The following GYS1 variants were observed in gnomAD, a reference collection of about 807,000 sequenced individuals.
GYS1 encodes the protein glycogen [starch] synthase, muscle.
A neutral mutation model predicts 89.1 loss-of-function variants in GYS1; 60 were observed. The observed-to-expected ratio is 0.67, with a 90% CI of 0.55 to 0.84. The LOEUF (loss-of-function observed/expected upper bound fraction) is 0.84. Ranked by LOEUF, GYS1 falls within the 40% of genes least tolerant of loss-of-function variation. The probability of loss-of-function intolerance (pLI) is 0.00; values close to 1 mark genes in which losing one functional copy is unlikely to be tolerated. For synonymous variants in GYS1, 366 were observed against 401.7 expected, an observed-to-expected ratio of 0.91 and a Z score of 1.06; for missense variants, 888 against 1,003.1, an observed-to-expected ratio of 0.89 and a Z score of 1.55.
rs1168612970 is a variant in GYS1, at chr19:48,969,579, C to T, written c.1923G>A (p.Ser641=). ...GTGACAGCGAGGGCGACGGTGGCACCGAGGCTGGCCGTGGGTAGCGGTACC... is the reference window on the plus strand; with the variant it reads ...GTGACAGCGAGGGCGACGGTGGCACTGAGGCTGGCCGTGGGTAGCGGTACC... ...AQGYRYPRPA[S]VPPSPSLSRH... is the part of the protein sequence containing the mutation. Residue 641 remains serine (S), a synonymous_variant, in exon 16 of 16, where the codon TCG becomes TCA. Transcript: ENST00000323798. The T allele has an allele frequency of 6.5e-7, 1 of 1,538,158 alleles. No individual in the cohort carries two copies. Among genetic ancestry groups the T allele is most frequent in the African/African-American group, 1.4e-5 (1 of 73,094 alleles).
At position 48,968,470 on chromosome 19, in the gene GYS1, G is replaced by T. The variant is rs780324057; in HGVS notation, c.*818C>A. The T allele has an allele frequency of 1.3e-5, 6 of 454,460 alleles. No individual in the cohort carries two copies. Among genetic ancestry groups the T allele is most frequent in the Non-Finnish European group, 2.6e-5 (6 of 226,798 alleles). 28.2% of individuals were successfully genotyped at this position (454,460 alleles called of 1,614,324 possible). ...GTTGGGAATAAGCCAGGTTAGGGGT[G>T]GGGGAAGACAGCCAGCTCTGTCCTC... is the stretch of plus-strand genomic sequence containing the variant. On this transcript the variant is annotated 3_prime_UTR_variant, in exon 16 of 16. Coordinates refer to ENST00000323798, the MANE Select transcript of GYS1 (RefSeq NM_002103.5).
chr19:48,972,198 T>C (rs375741070), intron 12 of GYS1, among the ~76,000 whole-genome samples: 1,596 of 150,424 alleles, frequency 0.011, 32 homozygotes, highest in African/African-American at 0.036. Flanking sequence ...ATTAGCTGGG[T>C]GTGGTGGCAG....
chr19:48,984,908 A>G (rs2038818345), intron 5 of GYS1, among the ~76,000 whole-genome samples: 2 of 152,114 alleles, frequency 1.3e-5, no homozygotes, highest in Admixed American at 1.3e-4. Context: ...TAAAAATAAA[A>G]TAAAACAGAT....
chr19:48,974,121 A>T, intron 12 of GYS1, 92 bp downstream of exon 12: 4 of 1,372,156 alleles, frequency 2.9e-6, no homozygotes, highest in Non-Finnish European at 4.1e-6. Flanking sequence ...AAAGAAGGCA[A>T]CAGGCTCAGA....
intron 13 of GYS1, 52 bp from the exon 14 acceptor site, chr19:48,970,761 G>GA: frequency 3.8e-6 from 6 of 1,558,652 alleles, no homozygotes; most frequent in Non-Finnish European, 3.5e-6. Flanking sequence ...GATCTTCATG[G>GA]TCTCCAGGAC....
Position 48,991,229 on chromosome 19 carries a change from C to T in GYS1, c.300+73G>A. On this transcript the variant is annotated intron_variant, in intron 2 of 15. Transcript: ENST00000323798. The surrounding 1 kb of genome is among the most constrained non-coding windows in gnomAD (Gnocchi z 4.7). ...TGGCTGGGGCTGTCCACCCTGCACC[C>T]TCTCCGTCTGTGGCTCCCACCCCGA... 6.6e-7 allele frequency: 1 copy of T among 1,519,278 alleles called. No individual in the cohort carries two copies. The highest frequency in any genetic ancestry group is 1.1e-5 in the South Asian group (1 of 89,152). The allele number at this position is 1,519,278 out of a possible 1,614,324, so 94.1% of individuals were successfully genotyped here.
Position 48,969,796 on chromosome 19 carries a change from G to A in GYS1, c.1869C>T (p.Tyr623=), listed in dbSNP as rs2122454471. 1.2e-6 allele frequency: 2 copies of A among 1,613,932 alleles called. No individual in the cohort carries two copies. The highest frequency in any genetic ancestry group is 2.2e-5 in the East Asian group (1 of 44,884). Residue 623 remains tyrosine (Y), a synonymous_variant, in exon 15 of 16, where the codon TAC becomes TAT. Coordinates refer to ENST00000323798, the MANE Select transcript of GYS1 (RefSeq NM_002103.5). Reference sequence around the variant, plus strand: ...TCACCGCATCCGCCTCGTTGGGCTCGTAGGTGAAGTGCTCTGGAAAGGCCT... The same window carrying A: ...TCACCGCATCCGCCTCGTTGGGCTCATAGGTGAAGTGCTCTGGAAAGGCCT... ...LSKAFPEHFT[Y]EPNEADAAQG...
intron 11 of GYS1, 104 bp downstream of exon 11, chr19:48,974,516 G>T: frequency 9.7e-7 from 1 of 1,030,046 alleles, no homozygotes. Flanking sequence ...TCTAACCACA[G>T]CAATACCTTT....
rs199704030 is a variant in GYS1 at position 48,985,820 on chromosome 19, A to C, written c.678+30T>G. The C allele has an allele frequency of 6.8e-5, 110 of 1,609,586 alleles. No homozygotes were observed. The highest frequency in any genetic ancestry group is 9.0e-5 in the Non-Finnish European group (106 of 1,177,362). ...CTTTGGGTTTTCCTGGCATACTCGCAGTCCCCCATCTGCCACGGTCCCAGC... is the reference window on the plus strand; with the variant it reads ...CTTTGGGTTTTCCTGGCATACTCGCCGTCCCCCATCTGCCACGGTCCCAGC... On this transcript the variant is annotated intron_variant, in intron 4 of 15. Coordinates refer to ENST00000323798, the MANE Select transcript of GYS1 (RefSeq NM_002103.5).
intron 2 of GYS1, among the ~76,000 whole-genome samples, chr19:48,990,264 A>C (rs1462118868): frequency 6.6e-6 from 1 of 150,508 alleles, no homozygotes; most frequent in East Asian, 1.9e-4. Context: ...CTCCTTGGAC[A>C]ACAGCGTGTC....
chr19:48,981,454 C>G, intron 8 of GYS1, 76 bp downstream of exon 8: 1 of 838,082 alleles, frequency 1.2e-6, no homozygotes, highest in Non-Finnish European at 2.1e-6. Flanking sequence ...AAAACTGAGA[C>G]TCTAGGAGAA....
chr19:48,971,334 G>C (rs766609750), intron 12 of GYS1, among the ~76,000 whole-genome samples: 4 of 152,102 alleles, frequency 2.6e-5, no homozygotes, highest in Non-Finnish European at 5.9e-5. Context: ...CTGTAGGATC[G>C]GGCCAAGGTC....
rs183509522 is a variant in GYS1, at chr19:48,991,089, G to T, written c.300+213C>A. Among the ~76,000 whole-genome samples, 1 of 152,298 alleles carries T rather than the reference G, an allele frequency of 6.6e-6. No individual in the cohort carries two copies. Among genetic ancestry groups the T allele is most frequent in the Admixed American group, 6.5e-5 (1 of 15,296 alleles). The stretch of plus-strand genomic sequence containing the variant: ...CTCCGTCTCAGTCTGTCTCATACTT[G>T]CCATCTGTCTGTCCATTCGCCCATG... On this transcript the variant is annotated intron_variant, in intron 2 of 15. Coordinates refer to ENST00000323798, the MANE Select transcript of GYS1 (RefSeq NM_002103.5). The surrounding 1 kb of genome is among the most constrained non-coding windows in gnomAD (Gnocchi z 4.7).
chr19:48,977,809 G>C (rs1239672958), intron 10 of GYS1, 115 bp downstream of exon 10: 1 of 796,358 alleles, frequency 1.3e-6, no homozygotes, highest in African/African-American at 1.7e-5. Flanking sequence ...CCTTCATAAA[G>C]GGCTGCAGGA....
At position 48,968,390 on chromosome 19, in the gene GYS1, T is replaced by C. The variant is rs544383758; in HGVS notation, c.*898A>G. 8 of 454,444 alleles carry C rather than the reference T, an allele frequency of 1.8e-5. No individual in the cohort carries two copies. In the East Asian group the frequency reaches 5.6e-4, roughly 32 times the overall value. The allele number at this position is 454,444 out of a possible 1,614,324, so 28.2% of individuals were successfully genotyped here. On this transcript the variant is annotated 3_prime_UTR_variant, in exon 16 of 16. Coordinates refer to ENST00000323798, the MANE Select transcript of GYS1 (RefSeq NM_002103.5). ...ATCAGTATGCAGTAACGTGGTAAGG[T>C]TCCAGATCTAGAAGCCAGGACCTAG...
At chr19:48,969,993 T>C (rs545129152) in intron 14 of GYS1, 138 bp from the exon 15 acceptor site, 10 of 670,174 alleles carry the variant, frequency 1.5e-5, no homozygotes, top group South Asian at 1.3e-4. Flanking sequence ...TCTATCTGAC[T>C]CCACCCCTTA....
intron 5 of GYS1, among the ~76,000 whole-genome samples, chr19:48,984,805 T>C (rs902718956): frequency 1.1e-4 from 16 of 151,788 alleles, no homozygotes; most frequent in African/African-American, 3.9e-4. Flanking sequence ...GGCATGAACC[T>C]GGGAGGCGGA....
At chr19:48,973,815 C>T (rs890073894) in intron 12 of GYS1, among the ~76,000 whole-genome samples, 1 of 152,138 alleles carries the variant, frequency 6.6e-6, no homozygotes, top group African/African-American at 2.4e-5. Flanking sequence ...CCACGCCCAG[C>T]CTTATTTAGC....
chr19:48,981,666 G>C (rs1234636402), intron 7 of GYS1, 30 bp from the exon 8 acceptor site: 1 of 1,369,522 alleles, frequency 7.3e-7, no homozygotes, highest in Non-Finnish European at 1.0e-6. Flanking sequence ...GGGGAGGCCA[G>C]GATCATGTGG....
Sources: allele counts gnomAD v4.1 joint callset (sites outside exome capture counted in the v4.1 genomes callset), GRCh38; gene constraint gnomAD v4.1.1; non-coding constraint Gnocchi (gnomAD v3.1); transcripts MANE v1.5; gene names NCBI Gene and HGNC (gene_info 2026-07-23, HGNC 2026-07-21).